PLCH1: variants seen among roughly 807,000 people sequenced by gnomAD.
The protein encoded by PLCH1 is 1-phosphatidylinositol 4,5-bisphosphate phosphodiesterase eta-1.
A neutral mutation model predicts 126.7 loss-of-function variants in PLCH1; 60 were observed. The ratio of observed to expected loss-of-function variants is 0.47; its 90% CI spans 0.38 to 0.59. The LOEUF is 0.59. PLCH1 is among the 20% of genes least tolerant of loss of function. The probability of loss-of-function intolerance (pLI) is 0.00; values close to 1 mark genes in which losing one functional copy is unlikely to be tolerated. For missense variants in PLCH1, 1,723 were observed against 2,040.0 expected (o/e 0.84, Z 2.99); for synonymous variants, 719 against 734.9 (o/e 0.98, Z 0.35).
chr3:155,611,130 C>T (rs934321418), intron 2 of PLCH1, among the ~76,000 whole-genome samples: 3 of 152,104 alleles, frequency 2.0e-5, no homozygotes, highest in African/African-American at 7.2e-5. Context: ...GGGCCAGGCA[C>T]GGCTCACACC....
At chr3:155,492,898 C>T (rs747809139) in intron 17 of PLCH1, 45 bp from the exon 18 acceptor site, 4 of 1,481,124 alleles carry the variant, frequency 2.7e-6, no homozygotes, top group African/African-American at 2.9e-5. Flanking sequence ...AAGAAACACA[C>T]ACGCATGCAC....
chr3:155,694,077 T>C (rs1745624253), intron 2 of PLCH1, among the ~76,000 whole-genome samples: 1 of 152,234 alleles, frequency 6.6e-6, no homozygotes, highest in Non-Finnish European at 1.5e-5. Flanking sequence ...CCCCCTTCCC[T>C]GCCCTTCAAG....
At chr3:155,540,907 G>A (rs909098591) in intron 10 of PLCH1, among the ~76,000 whole-genome samples, 1 of 152,134 alleles carries the variant, frequency 6.6e-6, no homozygotes. Context: ...AAGAGGCAAA[G>A]AAGTCATTAT....
intron 2 of PLCH1, among the ~76,000 whole-genome samples, chr3:155,653,583 A>G (rs1741030595): frequency 6.6e-6 from 1 of 151,994 alleles, no homozygotes; most frequent in Non-Finnish European, 1.5e-5. Context: ...TTAAATATAT[A>G]CCCTCACTTT....
At position 155,488,815 on chromosome 3, in the gene PLCH1, A is replaced by T; in HGVS notation, c.2393-9T>A. 2 of 1,597,738 alleles carry T rather than the reference A, an allele frequency of 1.3e-6. No individual in the cohort carries two copies. Among genetic ancestry groups the T allele is most frequent in the Non-Finnish European group, 1.7e-6 (2 of 1,175,406 alleles). On this transcript the variant is annotated splice_polypyrimidine_tract_variant and intron_variant, in intron 19 of 22. Transcript: ENST00000460012. ...CCACACAGGGTTAAATCCTCAGAGA[A>T]ATAGGAAAAGAAAAATCAGAAAAGC... is the stretch of plus-strand genomic sequence containing the variant.
intron 2 of PLCH1, among the ~76,000 whole-genome samples, chr3:155,663,541 C>G (rs957741073): frequency 6.6e-6 from 1 of 152,178 alleles, no homozygotes; most frequent in Admixed American, 6.5e-5. Context: ...ATATTAATGT[C>G]TATAAAAATA....
intron 11 of PLCH1, among the ~76,000 whole-genome samples, chr3:155,518,705 C>T (rs1353312122): frequency 1.3e-5 from 2 of 152,082 alleles, no homozygotes; most frequent in Non-Finnish European, 1.5e-5. Flanking sequence ...AGACCCAGGG[C>T]CCAAAGGAGT....
chr3:155,560,074 A>G (rs1727368755), intron 8 of PLCH1, among the ~76,000 whole-genome samples: 1 of 152,184 alleles, frequency 6.6e-6, no homozygotes, highest in Non-Finnish European at 1.5e-5. Flanking sequence ...CCAAAAAGAG[A>G]AGCCTAGGTA....
intron 10 of PLCH1, among the ~76,000 whole-genome samples, chr3:155,529,374 C>T (rs762767381): frequency 3.3e-5 from 4 of 120,826 alleles, no homozygotes; most frequent in Admixed American, 9.0e-5. Flanking sequence ...AAGAGTCTAT[C>T]GAAAATTACT....
intron 1 of PLCH1, among the ~76,000 whole-genome samples, chr3:155,716,330 T>A (rs1365397593): frequency 6.9e-6 from 1 of 144,548 alleles, no homozygotes; most frequent in African/African-American, 2.6e-5. Flanking sequence ...GGAGGTGTGA[T>A]CTTCATGTCT....
At chr3:155,610,060 C>T (rs1164108052) in intron 2 of PLCH1, among the ~76,000 whole-genome samples, 2 of 152,054 alleles carry the variant, frequency 1.3e-5, no homozygotes, top group Non-Finnish European at 2.9e-5. Context: ...AGGAAATTAA[C>T]TGCAAAAAGA....
intron 4 of PLCH1, among the ~76,000 whole-genome samples, chr3:155,592,780 GA>G (rs1732378395): frequency 6.6e-6 from 1 of 152,162 alleles, no homozygotes; most frequent in Non-Finnish European, 1.5e-5. Context: ...ACTTGTACCA[GA>G]AAACATTCAG....
chr3:155,676,840 TA>T (rs10673783), intron 2 of PLCH1, among the ~76,000 whole-genome samples: 6 of 150,296 alleles, frequency 4.0e-5, no homozygotes, highest in South Asian at 4.2e-4. Context: ...TTCTCATGTT[TA>T]AAAAAAAAAT....
chr3:155,726,117 G>C (rs1406700167), intron 1 of PLCH1, among the ~76,000 whole-genome samples: 2 of 152,118 alleles, frequency 1.3e-5, no homozygotes, highest in Non-Finnish European at 2.9e-5. Context: ...TATGTTACTA[G>C]TTCCCACTGA....
chr3:155,562,678 CT>C (rs1727791352), intron 8 of PLCH1, among the ~76,000 whole-genome samples: 1 of 152,196 alleles, frequency 6.6e-6, no homozygotes, highest in Admixed American at 6.5e-5. Context: ...CTGATGACTT[CT>C]TTAACAATTT....
rs909224359 is a variant in PLCH1 at position 155,745,032 on chromosome 3, G to C, written c.-233C>G. On this transcript the variant is annotated 5_prime_UTR_variant, in exon 1 of 23. Coordinates refer to ENST00000460012, the MANE Select transcript of PLCH1 (RefSeq NM_014996.4). ...CCAGCAGAAGCCCCAGACGAGCGGG[G>C]AAGAGCAGGGCGCCGCCGCCACAAC... The C allele has an allele frequency of 6.5e-6, 1 of 152,702 alleles. No individual in the cohort carries two copies. The highest frequency in any genetic ancestry group is 6.5e-5 in the Admixed American group (1 of 15,294). 9.5% of individuals were successfully genotyped at this position (152,702 alleles called of 1,614,324 possible).
chr3:155,658,125 C>A (rs184618266), intron 2 of PLCH1: 1 of 217,370 alleles, frequency 4.6e-6, no homozygotes. Flanking sequence ...ATTATCCTAC[C>A]GAAGATGTGC....
At chr3:155,594,579 A>T (rs1560218398) in intron 3 of PLCH1, among the ~76,000 whole-genome samples, 1 of 152,178 alleles carries the variant, frequency 6.6e-6, no homozygotes, top group Non-Finnish European at 1.5e-5. Flanking sequence ...TCTCCAAAAA[A>T]AAATAAATAA....
intron 10 of PLCH1, among the ~76,000 whole-genome samples, chr3:155,526,713 A>G (rs1470259915): frequency 6.6e-6 from 1 of 152,144 alleles, no homozygotes; most frequent in Non-Finnish European, 1.5e-5. Flanking sequence ...CCTTAATTAC[A>G]GCCTCAAGAG....
Sources: gnomAD v4.1 joint callset for allele counts (sites outside exome capture counted in the v4.1 genomes callset) on GRCh38, gnomAD v4.1.1 for gene constraint, MANE v1.5 for transcripts, NCBI Gene and HGNC (gene_info 2026-07-23, HGNC 2026-07-21) for gene names.